Variants in AP4E1 observed in about 807,000 individuals in gnomAD.
AP4E1 encodes adaptor related protein complex 4 subunit epsilon 1.
Under a neutral mutation model 128.2 loss-of-function variants are expected in AP4E1, and 56 were observed. The ratio of observed to expected loss-of-function variants is 0.44; its 90% CI spans 0.35 to 0.55. The LOEUF (loss-of-function observed/expected upper bound fraction) is 0.55, where lower values mean the gene tolerates loss of function less well. AP4E1 is among the 20% of genes least tolerant of loss of function. The pLI is 0.00. For synonymous variants in AP4E1, 484 were observed against 473.1 expected (o/e 1.02, Z -0.30); for missense variants, 1,324 against 1,307.7 (o/e 1.01, Z -0.19).
chr15:50,944,758 A>G (rs2064035246), intron 10 of AP4E1: 2 of 604,106 alleles, frequency 3.3e-6, no homozygotes, highest in Non-Finnish European at 6.1e-6. Flanking sequence ...CCTACCTTAC[A>G]TCCTTTTGAG....
chr15:50,954,634 T>C (rs1444476543), intron 13 of AP4E1, among the ~76,000 whole-genome samples: 1 of 152,206 alleles, frequency 6.6e-6, no homozygotes, highest in East Asian at 1.9e-4. Context: ...ATGATTTCAG[T>C]TCTTTCAAAT....
chr15:51,000,353 C>A (rs2064945208), intron 19 of AP4E1, among the ~76,000 whole-genome samples: 2 of 152,052 alleles, frequency 1.3e-5, no homozygotes, highest in African/African-American at 4.8e-5. Flanking sequence ...GTTGCTCAGG[C>A]TAGTCTCAAA....
chr15:51,001,065 G>T lies in AP4E1; in HGVS notation c.3135G>T (p.Trp1045Cys), dbSNP rs1193282400. Residue 1045 changes from tryptophan to cysteine, a missense_variant, in exon 20 of 21, where the codon TGG (tryptophan) becomes TGT (cysteine). Transcript: ENST00000261842. ...KISSDDFGKL[W>C]LSFANDVKQN... ...CAAGTGACGACTTTGGGAAACTCTGGTTATCCTTCGCAAATGATGTGAAAC... is the reference window on the plus strand; with the variant it reads ...CAAGTGACGACTTTGGGAAACTCTGTTTATCCTTCGCAAATGATGTGAAAC... 1 of 1,613,218 alleles carries T rather than the reference G, an allele frequency of 6.2e-7. No individual in the cohort carries two copies. Among genetic ancestry groups the T allele is most frequent in the Non-Finnish European group, 8.5e-7 (1 of 1,179,598 alleles).
intron 13 of AP4E1, among the ~76,000 whole-genome samples, chr15:50,952,981 T>C (rs1382258761): frequency 6.6e-6 from 1 of 152,068 alleles, no homozygotes; most frequent in Non-Finnish European, 1.5e-5. Flanking sequence ...CCCAGCACTT[T>C]GGGAGGTGGG....
chr15:50,934,661 T>A lies in AP4E1; in HGVS notation c.907T>A (p.Leu303Ile). ...ELMYDVLDES[L>I]RRAELNHNVT... ...AATGTATGATGTTCTTGATGAATCC[T>A]TACGAAGAGCTGAGTTAAATCACAA... Residue 303 changes from leucine to isoleucine, a missense_variant, in exon 8 of 21, where the codon TTA (leucine) becomes ATA (isoleucine). Transcript: ENST00000261842. 1 of 1,609,132 alleles carries A rather than the reference T, an allele frequency of 6.2e-7. No homozygotes were observed. The highest frequency in any genetic ancestry group is 8.5e-7 in the Non-Finnish European group (1 of 1,175,934).
chr15:50,924,083 A>G, intron 4 of AP4E1, 79 bp downstream of exon 4: 1 of 1,186,488 alleles, frequency 8.4e-7, no homozygotes. Context: ...ATATTCAACT[A>G]GATGAGATTA....
chr15:50,980,750 C>T (rs1220076437), intron 15 of AP4E1, among the ~76,000 whole-genome samples: 1 of 152,142 alleles, frequency 6.6e-6, no homozygotes, highest in Non-Finnish European at 1.5e-5. Context: ...AGTCTCTGCT[C>T]CCTGTGTTCT....
chr15:50,970,691 T>C (rs1301796024), intron 15 of AP4E1, among the ~76,000 whole-genome samples: 1 of 152,224 alleles, frequency 6.6e-6, no homozygotes, highest in African/African-American at 2.4e-5. Flanking sequence ...CTGCTTACTT[T>C]TGGTTTCTAT....
intron 19 of AP4E1, 38 bp downstream of exon 19, chr15:50,999,300 TCAC>T (rs749567961): frequency 3.8e-6 from 6 of 1,562,004 alleles, no homozygotes; most frequent in Middle Eastern, 2.3e-4. Context: ...AGTTGTTAAT[TCAC>T]CAACTATTTT....
intron 15 of AP4E1, among the ~76,000 whole-genome samples, chr15:50,982,720 C>A (rs1045931265): frequency 1.3e-5 from 2 of 152,140 alleles, no homozygotes; most frequent in Admixed American, 6.6e-5. Context: ...ATTGATTCTT[C>A]TTCTGTATCA....
intron 17 of AP4E1, 42 bp from the exon 18 acceptor site, chr15:50,997,284 T>G (rs771388514): frequency 6.7e-7 from 1 of 1,498,616 alleles, no homozygotes; most frequent in African/African-American, 1.4e-5. Context: ...TCATGACTAG[T>G]AGAATGATTT....
At chr15:50,950,008 ATAAGT>A in intron 12 of AP4E1, 38 bp from the exon 13 acceptor site, 1 of 1,592,278 alleles carries the variant, frequency 6.3e-7, no homozygotes, top group Non-Finnish European at 8.6e-7. Context: ...GAGTCCTAAG[ATAAGT>A]TTGTGGAAAT....
intron 10 of AP4E1, chr15:50,945,780 T>C (rs1165601266): frequency 6.6e-6 from 5 of 760,852 alleles, no homozygotes; most frequent in Admixed American, 2.0e-5. Context: ...CTAAGGATTA[T>C]AACTAGAAAT....
chr15:50,973,710 T>A (rs181207605), intron 15 of AP4E1, among the ~76,000 whole-genome samples: 71 of 152,356 alleles, frequency 4.7e-4, no homozygotes, highest in Non-Finnish European at 7.8e-4. Context: ...CATAATATTC[T>A]TAAGTTTCAT....
rs567304879 is a variant in AP4E1 at position 50,959,940 on chromosome 15, C to A, written c.1851+1146C>A. Among the ~76,000 whole-genome samples, 5 of 152,108 alleles carry A rather than the reference C, an allele frequency of 3.3e-5. No individual in the cohort carries two copies. The East Asian group carries it at 7.7e-4, about 24-fold the overall frequency. The stretch of plus-strand genomic sequence containing the variant: ...AAAGTGAAGGGATAAATAAAAATAA[C>A]CATGCAAACAGAAACCAAAAGCATG... On this transcript the variant is annotated intron_variant, in intron 14 of 20. Transcript: ENST00000261842.
intron 15 of AP4E1, among the ~76,000 whole-genome samples, chr15:50,971,432 T>G (rs954645282): frequency 6.6e-6 from 1 of 152,144 alleles, no homozygotes; most frequent in East Asian, 1.9e-4. Flanking sequence ...AAGGACCTGC[T>G]TGGGGTTGAA....
chr15:50,908,081 C>G (rs1258559784), upstream of AP4E1, among the ~76,000 whole-genome samples: 1 of 152,180 alleles, frequency 6.6e-6, no homozygotes, highest in Non-Finnish European at 1.5e-5. Flanking sequence ...TGGCCGCCGA[C>G]CAGTTCTCTT....
chr15:51,003,277 T>G lies in AP4E1; in HGVS notation c.*615T>G, dbSNP rs1007270548. ...TTATAGATAACTGTTACACATAATT[T>G]CAGATCGTTTGGCTGTAAAATTTGT... On this transcript the variant is annotated 3_prime_UTR_variant, in exon 21 of 21. Coordinates refer to ENST00000261842, the MANE Select transcript of AP4E1 (RefSeq NM_007347.5). 1 of 152,706 alleles carries G rather than the reference T, an allele frequency of 6.5e-6. No homozygotes were observed. The highest frequency in any genetic ancestry group is 1.5e-5 in the Non-Finnish European group (1 of 68,074). The allele number at this position is 152,706 out of a possible 1,614,324, so 9.5% of individuals were successfully genotyped here.
chr15:50,946,977 C>T (rs956549137), intron 10 of AP4E1, among the ~76,000 whole-genome samples: 6 of 152,232 alleles, frequency 3.9e-5, no homozygotes, highest in African/African-American at 7.2e-5. Flanking sequence ...TCGAGACCAG[C>T]CTGGCCAACA....
Sources: gnomAD v4.1 joint callset for allele counts (sites outside exome capture counted in the v4.1 genomes callset) on GRCh38, gnomAD v4.1.1 for gene constraint, MANE v1.5 for transcripts, NCBI Gene and HGNC (gene_info 2026-07-23, HGNC 2026-07-21) for gene names.